Variants in HSPG2 observed in about 807,000 individuals in gnomAD.
HSPG2 encodes the protein heparan sulfate proteoglycan 2.
A neutral mutation model predicts 526.6 loss-of-function variants in HSPG2; 278 were observed. The ratio of observed to expected loss-of-function variants is 0.53; its 90% confidence interval spans 0.48 to 0.58. The LOEUF is 0.58. Ranked by LOEUF, HSPG2 falls within the 20% of genes least tolerant of loss-of-function variation. HSPG2 has a pLI of 0.00. For missense variants in HSPG2, 5,354 were observed against 6,099.5 expected (o/e 0.88, Z 4.07); for synonymous variants, 2,465 against 2,555.4 (o/e 0.96, Z 1.07).
In HSPG2 at chr1:21,921,579, G is replaced by A. The variant is rs80091529; in HGVS notation, c.63+15576C>T. Among the ~76,000 whole-genome samples, 12 of 152,280 alleles carry A rather than the reference G, an allele frequency of 7.9e-5. No individual in the cohort carries two copies. In the East Asian group the frequency reaches 1.7e-3, roughly 22 times the overall value. On this transcript the variant is annotated intron_variant, in intron 1 of 96. Transcript: ENST00000374695. ...GAACACCGGACTACTGACATACCTC[G>A]GGTGCAACCAGTGGTTAAGGGGCTG...
chr1:21,839,992 G>C lies in HSPG2; in HGVS notation c.9539C>G (p.Ala3180Gly), dbSNP rs748710241. Residue 3180 changes from alanine to glycine, a missense_variant, in exon 72 of 97, where the codon GCG becomes GGG. Transcript: ENST00000374695. The surrounding 1 kb of genome is among the most constrained non-coding windows in gnomAD (Gnocchi z 4.5). ...CTGAGCAAGGCACACATAAGTGCCCGCATCTGATGGTTTAGCTGATGAAAT... is the reference window on the plus strand; with the variant it reads ...CTGAGCAAGGCACACATAAGTGCCCCCATCTGATGGTTTAGCTGATGAAAT... ...LQISSAKPSDAGTYVCLAQNA... is the reference protein window; with the variant it reads ...LQISSAKPSDGGTYVCLAQNA... The C allele has an allele frequency of 9.9e-6, 16 of 1,614,022 alleles. No homozygotes were observed. The highest frequency in any genetic ancestry group is 1.2e-5 in the Non-Finnish European group (14 of 1,180,018).
At chr1:21,855,209 G>C in intron 47 of HSPG2, 95 bp downstream of exon 47, 9 of 1,478,512 alleles carry the variant, frequency 6.1e-6, no homozygotes, top group Non-Finnish European at 8.2e-6. Flanking sequence ...CCACAGAGGA[G>C]GAGGTGGGGT....
chr1:21,833,686 T>C, intron 78 of HSPG2, 72 bp from the exon 79 acceptor site: 1 of 1,600,084 alleles, frequency 6.2e-7, no homozygotes, highest in East Asian at 2.2e-5. Flanking sequence ...CATCTGTGCC[T>C]CAGGCCCACC....
intron 3 of HSPG2, among the ~76,000 whole-genome samples, chr1:21,892,862 CAA>C (rs564802827): frequency 9.6e-6 from 1 of 103,926 alleles, no homozygotes; most frequent in Non-Finnish European, 1.9e-5. Flanking sequence ...GACTCCATCT[CAA>C]AAAAAAAAAA....
At chr1:21,889,058 T>C (rs897948981) in intron 6 of HSPG2, among the ~76,000 whole-genome samples, 4 of 152,166 alleles carry the variant, frequency 2.6e-5, no homozygotes, top group Non-Finnish European at 5.9e-5. Flanking sequence ...CCTGAGTAGC[T>C]AGGACTACAG....
rs530067090 is a variant in HSPG2, at chr1:21,859,174, G to A, written c.5293+392C>T. On this transcript the variant is annotated intron_variant, in intron 42 of 96. Transcript: ENST00000374695. This position sits in a 1 kb window ranked among gnomAD's most constrained non-coding sequence, Gnocchi z 5.3. ...GCAATTCTCCTGCCTCAGTTCTCCC[G>A]AGTAGCTGGGATTATAGGTGTGTAC... 1.2e-4 allele frequency among the ~76,000 whole-genome samples: 19 copies of A among 152,088 alleles called. No homozygotes were observed. Among genetic ancestry groups the A allele is most frequent in the African/African-American group, 4.3e-4 (18 of 41,472 alleles).
rs1465006189 is a variant in HSPG2 at position 21,828,376 on chromosome 1, G to C, written c.12288C>G (p.Ser4096Arg). The C allele has an allele frequency of 2.5e-6, 4 of 1,613,694 alleles. No homozygotes were observed. Among genetic ancestry groups the C allele is most frequent in the Non-Finnish European group, 3.4e-6 (4 of 1,180,030 alleles). The change falls in exon 89 of 97, where the codon AGC (serine) becomes AGG (arginine). Residue 4096 changes from serine (S) to arginine (R), a missense_variant. Transcript: ENST00000374695. The surrounding 1 kb of genome is among the most constrained non-coding windows in gnomAD (Gnocchi z 6.0). ...TATCATAGCATTGCCCGATGCCCTGGCTGCCTAGGAAACTGTAGGTGAGGT... is the reference window on the plus strand; with the variant it reads ...TATCATAGCATTGCCCGATGCCCTGCCTGCCTAGGAAACTGTAGGTGAGGT... The part of the protein sequence containing the change: ...RLDLTYSFLG[S>R]QGIGQCYDSS...
chr1:21,831,226 G>C lies in HSPG2; in HGVS notation c.11551C>G (p.Arg3851Gly). The C allele has an allele frequency of 1.2e-6, 2 of 1,613,784 alleles. No homozygotes were observed. The highest frequency in any genetic ancestry group is 1.7e-6 in the Non-Finnish European group (2 of 1,179,774). The stretch of plus-strand genomic sequence containing the variant: ...GGGTGTGGGGTCACCTGGCAGGGCC[G>C]GTCCCGACAGGTGGGGCAGTGGGAG... ...GISHCPTCRDRPCQNGGQCHD... is the reference protein window; with the variant it reads ...GISHCPTCRDGPCQNGGQCHD... Residue 3851 changes from arginine (R) to glycine (G), a missense_variant, in exon 84 of 97, where the codon CGG becomes GGG. Coordinates refer to ENST00000374695, the MANE Select transcript of HSPG2 (RefSeq NM_005529.7).
chr1:21,874,094 G>A (rs1640865640), intron 28 of HSPG2, 83 bp from the exon 29 acceptor site: 1 of 1,254,938 alleles, frequency 8.0e-7, no homozygotes, highest in African/African-American at 1.5e-5. Flanking sequence ...AGGGGAGAGG[G>A]GAGGGGAAGA....
In HSPG2 at chr1:21,840,100, A is replaced by G. The variant is rs10917053; in HGVS notation, c.9514-83T>C. The G allele has an allele frequency of 0.013, 14,360 of 1,068,180 alleles. 1,169 individuals carry two copies. In the African/African-American group the frequency reaches 0.19, roughly 14 times the overall value. The allele number at this position is 1,068,180 out of a possible 1,614,324, so 66.2% of individuals were successfully genotyped here. On this transcript the variant is annotated intron_variant, in intron 71 of 96. Coordinates refer to ENST00000374695, the MANE Select transcript of HSPG2 (RefSeq NM_005529.7). Reference sequence around the variant, plus strand: ...CCCCAGCTCTGGCTTGGTCTTCCCTATTTCCTCTACCCTGCCTTGGTATCT... The same window carrying G: ...CCCCAGCTCTGGCTTGGTCTTCCCTGTTTCCTCTACCCTGCCTTGGTATCT...
In HSPG2 at chr1:21,859,878, C is replaced by A. The variant is rs773761328; in HGVS notation, c.5139G>T (p.Glu1713Asp). Residue 1713 changes from glutamate to aspartate, a missense_variant, in exon 41 of 97, where the codon GAG (glutamate) becomes GAT (aspartate). Physicochemically the swap from Glu to Asp is conservative, Grantham distance 45 (BLOSUM62 2). Transcript: ENST00000374695. The surrounding 1 kb of genome is among the most constrained non-coding windows in gnomAD (Gnocchi z 5.3). The stretch of plus-strand genomic sequence containing the variant: ...TGCCGCTGGGCACAGGCCGCCCATC[C>A]TCACGGGACCAATAGAAGTAGTGGG... ...SPPHYFYWSR[E>D]DGRPVPSGTQ... 3 of 1,611,354 alleles carry A rather than the reference C, an allele frequency of 1.9e-6. No homozygotes were observed. Among genetic ancestry groups the A allele is most frequent in the South Asian group, 2.2e-5 (2 of 90,332 alleles).
intron 13 of HSPG2, among the ~76,000 whole-genome samples, chr1:21,882,255 G>A (rs1641573527): frequency 6.6e-6 from 1 of 152,174 alleles, no homozygotes; most frequent in Non-Finnish European, 1.5e-5. Context: ...CTGGGCAAGG[G>A]CCTCAGTTTC....
At chr1:21,881,848 C>T (rs952309471) in intron 13 of HSPG2, among the ~76,000 whole-genome samples, 4 of 143,976 alleles carry the variant, frequency 2.8e-5, no homozygotes, top group African/African-American at 7.8e-5. Context: ...GAGGCTGAGA[C>T]AGCAGAATCA....
rs1572218819 is a variant in HSPG2, at chr1:21,850,044, G to A, written c.7443C>T (p.His2481=). The A allele has an allele frequency of 6.2e-7, 1 of 1,613,070 alleles. No individual in the cohort carries two copies. The highest frequency in any genetic ancestry group is 8.5e-7 in the Non-Finnish European group (1 of 1,179,988). ...TTCCTGAGCTCCTGCCTCCTACCTG[G>A]TGCCGGGCCGGGAGGCTGCCCCCGC... ...HKRGGSLPAR[H]QVHGSRLRLL... is the part of the protein sequence containing the mutation. The change falls in exon 57 of 97, where the codon CAC becomes CAT. Residue 2481 remains histidine, a synonymous_variant. Transcript: ENST00000374695.
intron 1 of HSPG2, among the ~76,000 whole-genome samples, chr1:21,915,563 A>G (rs1643869386): frequency 6.6e-6 from 1 of 152,200 alleles, no homozygotes; most frequent in African/African-American, 2.4e-5. Context: ...AGAACCAATG[A>G]GAGCTGGAAC....
Position 21,873,022 on chromosome 1 carries a change from T to A in HSPG2, c.3863A>T (p.Asp1288Val), listed in dbSNP as rs372672334. 2 of 1,609,306 alleles carry A rather than the reference T, an allele frequency of 1.2e-6. No homozygotes were observed. Among genetic ancestry groups the A allele is most frequent in the South Asian group, 1.1e-5 (1 of 91,080 alleles). ...DPQGSVSSQC[D>V]AAGQCQCKAQ... is the part of the protein sequence containing the mutation. ...CTTGCACTGGCACTGACCAGCAGCA[T>A]CACACTGGCTGCTGACGCTGCCTTG... Residue 1288 changes from aspartate to valine, a missense_variant, in exon 31 of 97, where the codon GAT becomes GTT. Asp to Val is a radical substitution (Grantham distance 152). Coordinates refer to ENST00000374695, the MANE Select transcript of HSPG2 (RefSeq NM_005529.7).
chr1:21,829,223 C>A, intron 87 of HSPG2, 144 bp from the exon 88 acceptor site: 1 of 1,399,156 alleles, frequency 7.1e-7, no homozygotes. Flanking sequence ...TCAGAGAGGG[C>A]TAGGGATTGG....
At chr1:21,929,840 T>G (rs972175489) in intron 1 of HSPG2, among the ~76,000 whole-genome samples, 8 of 152,040 alleles carry the variant, frequency 5.3e-5, no homozygotes, top group Admixed American at 3.9e-4. Flanking sequence ...ATCTTCAAAA[T>G]GTACTGGGGA....
intron 1 of HSPG2, among the ~76,000 whole-genome samples, chr1:21,924,823 C>A (rs1271603529): frequency 6.6e-6 from 1 of 152,196 alleles, no homozygotes; most frequent in Non-Finnish European, 1.5e-5. Flanking sequence ...ATGGGGACAA[C>A]TCCTGGACCC....
Sources: gnomAD v4.1 joint callset for allele counts (sites outside exome capture counted in the v4.1 genomes callset) on GRCh38, gnomAD v4.1.1 for gene constraint, Gnocchi (gnomAD v3.1) non-coding constraint, MANE v1.5 for transcripts, NCBI Gene and HGNC (gene_info 2026-07-23, HGNC 2026-07-21) for gene names.